DNM3: variants seen among roughly 807,000 people sequenced by gnomAD.
The protein encoded by DNM3 is dynamin-3.
A neutral mutation model predicts 101.6 loss-of-function variants in DNM3; 47 were observed. The observed-to-expected ratio is 0.46, with a 90% CI of 0.37 to 0.59. The LOEUF (loss-of-function observed/expected upper bound fraction) is 0.59. DNM3 is among the 20% of genes least tolerant of loss of function. The probability of loss-of-function intolerance (pLI) is 0.00; values close to 1 mark genes in which losing one functional copy is unlikely to be tolerated. For missense variants in DNM3, 849 were observed against 1,085.7 expected (o/e 0.78, Z 3.06); for synonymous variants, 385 against 387.9 (o/e 0.99, Z 0.09).
At chr1:172,192,329 A>C (rs2059759624) in intron 14 of DNM3, among the ~76,000 whole-genome samples, 1 of 150,254 alleles carries the variant, frequency 6.7e-6, no homozygotes, top group Admixed American at 6.6e-5. Flanking sequence ...CCAGCCTTGC[A>C]TCCCAGGGAT....
chr1:172,189,968 G>T (rs1480342710), intron 14 of DNM3, among the ~76,000 whole-genome samples: 1 of 150,088 alleles, frequency 6.7e-6, no homozygotes, highest in South Asian at 2.1e-4. Flanking sequence ...ATAATCAAAT[G>T]ACCTCCCATT....
chr1:171,863,270 A>T (rs77468995), intron 1 of DNM3, among the ~76,000 whole-genome samples: 2,184 of 152,156 alleles, frequency 0.014, 61 homozygotes, highest in African/African-American at 0.048. Flanking sequence ...ACAGAGGAGT[A>T]GGGATATCTT....
chr1:171,899,664 T>C (rs2038128270), intron 1 of DNM3, among the ~76,000 whole-genome samples: 1 of 152,188 alleles, frequency 6.6e-6, no homozygotes, highest in African/African-American at 2.4e-5. Context: ...TATGTACTCA[T>C]CCATAAAACA....
chr1:172,090,293 C>G (rs192094278), intron 12 of DNM3, among the ~76,000 whole-genome samples: 23 of 152,178 alleles, frequency 1.5e-4, no homozygotes, highest in Non-Finnish European at 2.9e-4. Flanking sequence ...GAGCAGGAAG[C>G]CTGGAGGGTG....
chr1:172,022,614 T>G (rs566381754), intron 4 of DNM3, among the ~76,000 whole-genome samples: 59 of 152,254 alleles, frequency 3.9e-4, no homozygotes, highest in African/African-American at 1.4e-3. Context: ...AGGCTTTTAA[T>G]AGAAACAATC....
chr1:172,137,101 C>T (rs2148123333), intron 14 of DNM3: 1 of 152,278 alleles, frequency 6.6e-6, no homozygotes, highest in Admixed American at 6.5e-5. Context: ...TTGTCTCATT[C>T]TGGGAGCTGT....
At chr1:172,092,172 G>T (rs1012704450) in intron 12 of DNM3, among the ~76,000 whole-genome samples, 4 of 152,120 alleles carry the variant, frequency 2.6e-5, no homozygotes, top group Non-Finnish European at 5.9e-5. Flanking sequence ...AGGTTAAGTT[G>T]TTAAAAACAT....
intron 1 of DNM3, among the ~76,000 whole-genome samples, 191 bp from the exon 2 acceptor site, chr1:171,921,557 A>C (rs1475817527): frequency 6.6e-6 from 1 of 152,168 alleles, no homozygotes; most frequent in Admixed American, 6.5e-5. Flanking sequence ...TTTCTGTGCA[A>C]TATAAGGCCC....
intron 1 of DNM3, among the ~76,000 whole-genome samples, chr1:171,913,913 C>T (rs1257863882): frequency 3.3e-5 from 5 of 151,836 alleles, no homozygotes; most frequent in South Asian, 2.1e-4. Context: ...CTCAGGCTCC[C>T]GAGTAGCTGG....
At chr1:172,165,247 C>CA (rs1356359037) in intron 14 of DNM3, among the ~76,000 whole-genome samples, 1 of 151,752 alleles carries the variant, frequency 6.6e-6, no homozygotes, top group East Asian at 1.9e-4. Context: ...AAAATTATCT[C>CA]AAAAAAGTTT....
At chr1:172,373,426 C>T (rs887636121) in intron 17 of DNM3, among the ~76,000 whole-genome samples, 5 of 152,104 alleles carry the variant, frequency 3.3e-5, no homozygotes, top group Non-Finnish European at 7.4e-5. Context: ...TCTTACACCT[C>T]ACGTAATACT....
chr1:172,333,523 C>T (rs1343562327), intron 17 of DNM3, among the ~76,000 whole-genome samples: 2 of 152,126 alleles, frequency 1.3e-5, no homozygotes, highest in African/African-American at 4.8e-5. Context: ...TTTAAAGAAA[C>T]TATAAGCAAA....
downstream of DNM3, among the ~76,000 whole-genome samples, chr1:172,414,124 A>T (rs192261282): frequency 9.9e-5 from 15 of 152,222 alleles, no homozygotes; most frequent in East Asian, 2.9e-3. Context: ...TTCTGATGGG[A>T]CCTTTAAATT....
rs1177639794 is a variant in DNM3 at position 172,411,575 on chromosome 1, GTGGATTTTTC to G, written c.*3737_*3746del. On this transcript the variant is annotated 3_prime_UTR_variant, in exon 21 of 21. Coordinates refer to ENST00000627582, the MANE Select transcript of DNM3 (RefSeq NM_015569.5). Reference sequence around the variant, plus strand: ...AAAAGGACATAGCAACATTAAAGTAGTGGATTTTTCTGAGTAAATTTGCTGAAAATATAAG... The same window carrying G: ...AAAAGGACATAGCAACATTAAAGTAGTGAGTAAATTTGCTGAAAATATAAG... 25 of 983,756 alleles carry G rather than the reference GTGGATTTTTC, an allele frequency of 2.5e-5. No homozygotes were observed. The highest frequency in any genetic ancestry group is 2.8e-5 in the Non-Finnish European group (23 of 829,174). The allele number at this position is 983,756 out of a possible 1,614,324, so 60.9% of individuals were successfully genotyped here. A position where few individuals can be genotyped will look rare whatever the true frequency, so the allele number is the denominator to read the frequency against.
chr1:172,081,849 C>T lies in DNM3; in HGVS notation c.1440C>T (p.Asp480=). ...KTKDQVLLLI[D]IQVSYINTNH... Reference sequence around the variant, plus strand: ...ACTTATAGGTATTGCTATTGATTGACATTCAAGTCTCTTACATCAACACCA... The same window carrying T: ...ACTTATAGGTATTGCTATTGATTGATATTCAAGTCTCTTACATCAACACCA... The change falls in exon 12 of 21, where the codon GAC becomes GAT. Residue 480 remains aspartate (D), a synonymous_variant. Transcript: ENST00000627582. 1 of 1,612,644 alleles carries T rather than the reference C, an allele frequency of 6.2e-7. No homozygotes were observed. The highest frequency in any genetic ancestry group is 2.2e-5 in the East Asian group (1 of 44,846).
Position 172,253,634 on chromosome 1 carries a change from G to C in DNM3, c.1721G>C (p.Ser574Thr). The change falls in exon 15 of 21, where the codon AGC becomes ACC. Residue 574 changes from serine (S) to threonine (T), a missense_variant. By Grantham distance (58) the Ser-to-Thr change is moderately conservative (BLOSUM62 1). Transcript: ENST00000627582. ...DNLKVRDVEK[S>T]FMSSKHIFAL... ...CTGAAAGTTCGGGATGTGGAAAAGA[G>C]CTTTATGTCTAGCAAGCACATCTTT... The C allele has an allele frequency of 6.3e-7, 1 of 1,595,616 alleles. No individual in the cohort carries two copies. Among genetic ancestry groups the C allele is most frequent in the Admixed American group, 1.7e-5 (1 of 57,680 alleles).
At chr1:172,351,138 T>C (rs1468524318) in intron 17 of DNM3, among the ~76,000 whole-genome samples, 2 of 152,164 alleles carry the variant, frequency 1.3e-5, no homozygotes. Flanking sequence ...GTGCCACAAA[T>C]GTTTACCATC....
chr1:171,958,961 G>A (rs1288023931), intron 2 of DNM3, among the ~76,000 whole-genome samples: 1 of 152,168 alleles, frequency 6.6e-6, no homozygotes, highest in African/African-American at 2.4e-5. Flanking sequence ...TGCATCAACA[G>A]TAATAAGTCT....
At chr1:172,208,677 A>G (rs1031655763) in intron 14 of DNM3, among the ~76,000 whole-genome samples, 2 of 152,222 alleles carry the variant, frequency 1.3e-5, no homozygotes, top group African/African-American at 2.4e-5. Context: ...GAAAGCTCCA[A>G]TAGGGTACAG....
Sources: allele counts gnomAD v4.1 joint callset (sites outside exome capture counted in the v4.1 genomes callset), GRCh38; gene constraint gnomAD v4.1.1; transcripts MANE v1.5; gene names NCBI Gene and HGNC (gene_info 2026-07-23, HGNC 2026-07-21).